CTNNA2: variants seen among roughly 807,000 people sequenced by gnomAD.
The protein encoded by CTNNA2 is catenin alpha-2.
CTNNA2 carries 42 observed loss-of-function variants against 101.0 expected under a neutral mutation model. That is an observed-to-expected ratio of 0.42 (90% CI 0.32 to 0.54). CTNNA2 has a LOEUF of 0.54. CTNNA2 is among the 20% of genes least tolerant of loss of function. The pLI is 0.14. For missense variants in CTNNA2, 871 were observed against 1,223.1 expected, an observed-to-expected ratio of 0.71 and a Z score of 4.29; for synonymous variants, 450 against 456.4, an observed-to-expected ratio of 0.99 and a Z score of 0.18.
chr2:80,049,180 A>T (rs948932114), intron 7 of CTNNA2, among the ~76,000 whole-genome samples: 1 of 152,150 alleles, frequency 6.6e-6, no homozygotes, highest in African/African-American at 2.4e-5. Flanking sequence ...CTTTAAAATC[A>T]TTTCATTTTT....
At chr2:79,610,981 C>T (rs576609109) in intron 1 of CTNNA2, among the ~76,000 whole-genome samples, 178 of 152,250 alleles carry the variant, frequency 1.2e-3, no homozygotes, top group African/African-American at 4.2e-3. Flanking sequence ...ACTGATAAAT[C>T]TCAAAACCGT....
chr2:79,714,995 A>T (rs1224588887), intron 2 of CTNNA2, among the ~76,000 whole-genome samples: 1 of 149,582 alleles, frequency 6.7e-6, no homozygotes, highest in African/African-American at 2.5e-5. Context: ...GTTTGAAACC[A>T]GCCTGGCCAA....
intron 4 of CTNNA2, among the ~76,000 whole-genome samples, chr2:79,415,113 C>A (rs1678463552): frequency 6.6e-6 from 1 of 152,212 alleles, no homozygotes; most frequent in South Asian, 2.1e-4. Flanking sequence ...GGAAATGGGG[C>A]CTAATGGGAG....
intron 4 of CTNNA2, among the ~76,000 whole-genome samples, chr2:79,398,841 T>C (rs536410224): frequency 3.4e-4 from 32 of 94,554 alleles, no homozygotes; most frequent in African/African-American, 1.5e-3. Context: ...ATCTGAGAAG[T>C]GTTTAGTTAA....
chr2:80,345,338 G>C (rs1672638497), intron 7 of CTNNA2, among the ~76,000 whole-genome samples: 1 of 152,172 alleles, frequency 6.6e-6, no homozygotes, highest in Non-Finnish European at 1.5e-5. Context: ...CCTTCTGTCT[G>C]GAAGGCCCTT....
intron 7 of CTNNA2, among the ~76,000 whole-genome samples, chr2:80,278,717 G>A (rs1223363718): frequency 4.6e-5 from 7 of 151,924 alleles, no homozygotes; most frequent in East Asian, 3.9e-4. Context: ...AGTCTGCCTC[G>A]GACTAAAATT....
intron 6 of CTNNA2, among the ~76,000 whole-genome samples, chr2:79,903,061 G>A (rs980690906): frequency 6.6e-6 from 1 of 152,178 alleles, no homozygotes; most frequent in Non-Finnish European, 1.5e-5. Flanking sequence ...GAGCCTGACT[G>A]TGTTCTAATA....
chr2:79,212,334 G>A (rs1479887545), intron 2 of CTNNA2, among the ~76,000 whole-genome samples: 1 of 152,178 alleles, frequency 6.6e-6, no homozygotes, highest in Non-Finnish European at 1.5e-5. Context: ...AGTTGGTCTG[G>A]TGTCTGGAAT....
intron 1 of CTNNA2, among the ~76,000 whole-genome samples, chr2:79,535,722 G>A (rs1051450583): frequency 5.9e-5 from 9 of 151,946 alleles, no homozygotes; most frequent in Non-Finnish European, 1.3e-4. Flanking sequence ...AGCTTCCAGG[G>A]ACGGGTCAAA....
At chr2:80,489,566 G>A (rs6742029) in intron 9 of CTNNA2, among the ~76,000 whole-genome samples, 45,593 of 151,998 alleles carry the variant, frequency 0.3, 7,862 homozygotes, top group East Asian at 0.59. Context: ...ATATAAGGGT[G>A]TTCTGATATT....
intron 2 of CTNNA2, among the ~76,000 whole-genome samples, chr2:79,230,977 T>C (rs188822885): frequency 1.1e-4 from 17 of 152,334 alleles, no homozygotes; most frequent in Admixed American, 8.5e-4. Flanking sequence ...TGTACTACCA[T>C]GGTATCTAGG....
chr2:80,055,562 T>C lies in CTNNA2; in HGVS notation c.1056+145765T>C, dbSNP rs1697164122. On this transcript the variant is annotated intron_variant, in intron 7 of 18. Transcript: ENST00000402739. ...AATTTAAAAATTGAGCACTTTCATA[T>C]AATAATCCAGATTTCCAATGACTCT... is the stretch of plus-strand genomic sequence containing the variant. Among the ~76,000 whole-genome samples, 4 of 152,252 alleles carry C rather than the reference T, an allele frequency of 2.6e-5. No homozygotes were observed. In the South Asian group the frequency reaches 8.3e-4, roughly 32 times the overall value.
At chr2:80,147,332 C>G (rs375964040) in intron 7 of CTNNA2, among the ~76,000 whole-genome samples, 4 of 152,072 alleles carry the variant, frequency 2.6e-5, no homozygotes, top group Non-Finnish European at 5.9e-5. Context: ...GAACTCCTGA[C>G]CTCAAGTGAT....
At chr2:80,069,779 T>C (rs929423292) in intron 7 of CTNNA2, among the ~76,000 whole-genome samples, 13 of 152,330 alleles carry the variant, frequency 8.5e-5, no homozygotes, top group African/African-American at 3.1e-4. Context: ...CTCCTTTCTG[T>C]AAATGGCCAT....
chr2:79,300,548 C>G (rs949122897), intron 2 of CTNNA2, among the ~76,000 whole-genome samples: 1 of 152,170 alleles, frequency 6.6e-6, no homozygotes, highest in Non-Finnish European at 1.5e-5. Flanking sequence ...CATCAGTATA[C>G]TGTTGAAAAA....
chr2:80,079,731 G>A (rs1045716772), intron 7 of CTNNA2, among the ~76,000 whole-genome samples: 12 of 151,710 alleles, frequency 7.9e-5, no homozygotes, highest in South Asian at 2.1e-4. Context: ...GGAGAATGGC[G>A]TGAACCCGGG....
At position 80,648,603 on chromosome 2, in the gene CTNNA2, T is replaced by G. The variant is rs1049991913; in HGVS notation, c.*731T>G. ...CAATCTTGCTTTCATTTTTTTTTCTTTTTAATTTGAACCATGATTTTGCTA... is the reference window on the plus strand; with the variant it reads ...CAATCTTGCTTTCATTTTTTTTTCTGTTTAATTTGAACCATGATTTTGCTA... On this transcript the variant is annotated 3_prime_UTR_variant, in exon 19 of 19. Coordinates refer to ENST00000402739, the MANE Select transcript of CTNNA2 (RefSeq NM_001282597.3). 1.3e-5 allele frequency: 2 copies of G among 152,288 alleles called. No homozygotes were observed. Among genetic ancestry groups the G allele is most frequent in the Non-Finnish European group, 2.9e-5 (2 of 67,936 alleles). 9.4% of individuals were successfully genotyped at this position (152,288 alleles called of 1,614,324 possible).
At chr2:80,621,232 T>TA (rs1284785450) in intron 18 of CTNNA2, among the ~76,000 whole-genome samples, 4 of 151,944 alleles carry the variant, frequency 2.6e-5, no homozygotes, top group African/African-American at 9.7e-5. Flanking sequence ...ATCCCTGCTC[T>TA]AAAAATCTAT....
intron 7 of CTNNA2, among the ~76,000 whole-genome samples, chr2:79,978,159 G>C (rs1308708988): frequency 3.9e-5 from 6 of 152,094 alleles, no homozygotes; most frequent in African/African-American, 1.2e-4. Flanking sequence ...TTTTAACTTA[G>C]GGAATTCAGT....
Sources: gnomAD v4.1 joint callset for allele counts (sites outside exome capture counted in the v4.1 genomes callset) on GRCh38, gnomAD v4.1.1 for gene constraint, MANE v1.5 for transcripts, NCBI Gene and HGNC (gene_info 2026-07-23, HGNC 2026-07-21) for gene names.